The following MPRIP variants were observed in gnomAD, a reference collection of about 807,000 sequenced individuals.
MPRIP encodes the protein myosin phosphatase Rho-interacting protein.
A neutral mutation model predicts 234.9 loss-of-function variants in MPRIP; 59 were observed. The observed-to-expected ratio is 0.25, with a 90% CI of 0.20 to 0.31. The LOEUF (loss-of-function observed/expected upper bound fraction) is 0.31, where lower values mean the gene tolerates loss of function less well. MPRIP is among the 10% of genes least tolerant of loss of function. The pLI is 1.00. For missense variants in MPRIP, 2,436 were observed against 3,071.0 expected (o/e 0.79, Z 4.89); for synonymous variants, 1,144 against 1,263.9 (o/e 0.91, Z 2.01).
chr17:17,167,318 T>C lies in MPRIP; in HGVS notation c.5727T>C (p.Val1909=), dbSNP rs916499274. Residue 1909 remains valine (V), a synonymous_variant, in exon 16 of 24, where the codon GTT becomes GTC. Coordinates refer to ENST00000651222, the MANE Select transcript of MPRIP (RefSeq NM_001364716.4). This position sits in a 1 kb window ranked among gnomAD's most constrained non-coding sequence, Gnocchi z 5.9. ...KSEYLDVIAI[V]ERENAELKAK... ...AGTACCTGGATGTGATCGCCATTGT[T>C]GAAAGGGAGAATGCAGAGCTCAAGG... 1 of 1,303,700 alleles carries C rather than the reference T, an allele frequency of 7.7e-7. No individual in the cohort carries two copies. The highest frequency in any genetic ancestry group is 1.5e-5 in the African/African-American group (1 of 65,696). 80.8% of individuals were successfully genotyped at this position (1,303,700 alleles called of 1,614,324 possible). A position where few individuals can be genotyped will look rare whatever the true frequency, so the allele number is the denominator to read the frequency against.
At chr17:17,048,195 C>G (rs7225990) in intron 1 of MPRIP, among the ~76,000 whole-genome samples, 5,722 of 152,130 alleles carry the variant, frequency 0.038, 138 homozygotes, top group Non-Finnish European at 0.056. Context: ...GCCTGTTTTC[C>G]CATCTGGAAA....
intron 23 of MPRIP, chr17:17,181,483 G>T (rs532513485): frequency 6.6e-6 from 1 of 152,336 alleles, no homozygotes; most frequent in African/African-American, 2.4e-5. Flanking sequence ...AGTCAGTTTG[G>T]TTTTATTTTT....
chr17:17,065,643 A>G (rs1275858039), intron 1 of MPRIP, among the ~76,000 whole-genome samples: 1 of 152,142 alleles, frequency 6.6e-6, no homozygotes, highest in East Asian at 1.9e-4. Flanking sequence ...AATTAAAAAT[A>G]TTCTAGTTCA....
At chr17:17,170,396 C>T (rs535752362) in intron 16 of MPRIP, among the ~76,000 whole-genome samples, 15 of 152,190 alleles carry the variant, frequency 9.9e-5, no homozygotes, top group Admixed American at 5.9e-4. Flanking sequence ...GGTGGAGCCG[C>T]TGGGAGAGGG....
At chr17:17,163,816 G>A (rs2045923000) in intron 15 of MPRIP, among the ~76,000 whole-genome samples, 1 of 151,746 alleles carries the variant, frequency 6.6e-6, no homozygotes, top group African/African-American at 2.4e-5. Context: ...GCTTCTTAGT[G>A]TGTTCCATTA....
chr17:17,135,974 G>A (rs568595899), intron 5 of MPRIP, among the ~76,000 whole-genome samples: 47 of 152,310 alleles, frequency 3.1e-4, no homozygotes, highest in African/African-American at 9.6e-4. Context: ...GACCTGTCTC[G>A]AGGGTGTGTT....
At chr17:17,110,626 G>A (rs2090150589) in intron 3 of MPRIP, among the ~76,000 whole-genome samples, 1 of 152,156 alleles carries the variant, frequency 6.6e-6, no homozygotes, top group Admixed American at 6.5e-5. Context: ...GGCACTTAAG[G>A]TCATCATCAA....
intron 1 of MPRIP, among the ~76,000 whole-genome samples, chr17:17,052,953 A>G (rs2088586729): frequency 6.6e-6 from 1 of 152,096 alleles, no homozygotes; most frequent in Admixed American, 6.5e-5. Context: ...GGTCCTTCCC[A>G]TAGATAAAGG....
intron 1 of MPRIP, among the ~76,000 whole-genome samples, chr17:17,068,574 A>T (rs1176799933): frequency 6.8e-6 from 1 of 148,104 alleles, no homozygotes. Flanking sequence ...TCTGTTGCCC[A>T]TGCTGGAGTG....
At chr17:17,126,587 GGAGAGCAC>G in intron 3 of MPRIP, 107 bp from the exon 4 acceptor site, 1 of 1,208,766 alleles carries the variant, frequency 8.3e-7, no homozygotes, top group Non-Finnish European at 1.1e-6. Flanking sequence ...CTGGAGTGAG[GGAGAGCAC>G]TCCTAGAGGC....
intron 12 of MPRIP, among the ~76,000 whole-genome samples, chr17:17,151,356 G>A (rs910538422): frequency 3.9e-5 from 6 of 152,174 alleles, no homozygotes; most frequent in African/African-American, 1.4e-4. Flanking sequence ...ATCTGGGACT[G>A]GGGGAGTCAC....
intron 3 of MPRIP, among the ~76,000 whole-genome samples, chr17:17,122,354 T>C (rs906124304): frequency 2.6e-5 from 4 of 152,150 alleles, no homozygotes; most frequent in African/African-American, 9.7e-5. Context: ...TTTATTTGTT[T>C]TGTTTTGTTT....
chr17:17,137,903 C>T lies in MPRIP; in HGVS notation c.737-13C>T, dbSNP rs1567741604. On this transcript the variant is annotated splice_polypyrimidine_tract_variant and intron_variant, in intron 6 of 23. Transcript: ENST00000651222. The stretch of plus-strand genomic sequence containing the variant: ...GGCTGAGTGCGTCTCCTCCCTCCCA[C>T]TGTCTCTTCCAGAGGAGAGCGCCAT... 6.4e-7 allele frequency: 1 copy of T among 1,568,966 alleles called. No individual in the cohort carries two copies. Among genetic ancestry groups the T allele is most frequent in the Non-Finnish European group, 8.6e-7 (1 of 1,158,438 alleles).
At position 17,185,244 on chromosome 17, in the gene MPRIP, C is replaced by T. The variant is rs576851102; in HGVS notation, c.*350C>T. 18 of 339,192 alleles carry T rather than the reference C, an allele frequency of 5.3e-5. No homozygotes were observed. Among genetic ancestry groups the T allele is most frequent in the South Asian group, 4.0e-4 (17 of 42,740 alleles). The allele number at this position is 339,192 out of a possible 1,614,324, so 21.0% of individuals were successfully genotyped here. ...CCTGTTGATAAGCTACCCTGTCTCA[C>T]CATGTGCTGGTGTGGAAACGGGGCC... is the stretch of plus-strand genomic sequence containing the variant. On this transcript the variant is annotated 3_prime_UTR_variant, in exon 24 of 24. Coordinates refer to ENST00000651222, the MANE Select transcript of MPRIP (RefSeq NM_001364716.4).
rs564893661 is a variant in MPRIP at position 17,185,279 on chromosome 17, C to T, written c.*385C>T. 54 of 341,596 alleles carry T rather than the reference C, an allele frequency of 1.6e-4. No homozygotes were observed. The highest frequency in any genetic ancestry group is 9.5e-4 in the Admixed American group (24 of 25,172). 21.2% of individuals were successfully genotyped at this position (341,596 alleles called of 1,614,324 possible). On this transcript the variant is annotated 3_prime_UTR_variant, in exon 24 of 24. Transcript: ENST00000651222. ...GTGTGGAAACGGGGCCCAGCCAGCA[C>T]GCCTCAAGGTAGATGGAATCCCCAC...
In MPRIP at chr17:17,097,784, C is replaced by T. The variant is rs184793429; in HGVS notation, c.267+19708C>T. 2.9e-3 allele frequency among the ~76,000 whole-genome samples: 438 copies of T among 152,280 alleles called. 3 individuals carry two copies. Among genetic ancestry groups the T allele is most frequent in the Middle Eastern group, 6.8e-3 (2 of 294 alleles). On this transcript the variant is annotated intron_variant, in intron 3 of 23. Transcript: ENST00000651222. ...GCAGCAGGAGGCACCCAGGGTCTCT[C>T]ACTTTCCTTTCAATTTTCCTTTCTC...
intron 1 of MPRIP, among the ~76,000 whole-genome samples, chr17:17,064,351 G>A (rs1052978014): frequency 6.6e-6 from 1 of 152,014 alleles, no homozygotes; most frequent in Non-Finnish European, 1.5e-5. Flanking sequence ...ACAGGTGCGT[G>A]CCACTGTTTT....
intron 1 of MPRIP, among the ~76,000 whole-genome samples, chr17:17,057,336 G>C (rs542353279): frequency 6.6e-6 from 1 of 152,382 alleles, no homozygotes; most frequent in East Asian, 1.9e-4. Context: ...TCAGCTGCTC[G>C]GAGGTACACG....
chr17:17,157,343 T>C (rs2045751032), intron 13 of MPRIP, among the ~76,000 whole-genome samples: 1 of 152,232 alleles, frequency 6.6e-6, no homozygotes, highest in Non-Finnish European at 1.5e-5. Context: ...TCATGTCCCG[T>C]TGCTGGCTGC....
Sources: gnomAD v4.1 joint callset for allele counts (sites outside exome capture counted in the v4.1 genomes callset) on GRCh38, gnomAD v4.1.1 for gene constraint, Gnocchi (gnomAD v3.1) non-coding constraint, MANE v1.5 for transcripts, NCBI Gene and HGNC (gene_info 2026-07-23, HGNC 2026-07-21) for gene names.